AGBL4: variants seen among roughly 807,000 people sequenced by gnomAD.
The protein encoded by AGBL4 is AGBL carboxypeptidase 4, also known as cytosolic carboxypeptidase 6.
In AGBL4, 58 loss-of-function variants were observed where a neutral mutation model predicts 66.4. That is an observed-to-expected ratio of 0.87 (90% CI 0.71 to 1.09). AGBL4 has a LOEUF of 1.09. Among genes scored for constraint, AGBL4 ranks in the 50% least tolerant of loss-of-function variants. The pLI, the probability that AGBL4 is intolerant of heterozygous loss-of-function variation, is 0.00. For synonymous variants in AGBL4, 234 were observed against 222.9 expected, an observed-to-expected ratio of 1.05 and a Z score of -0.44; for missense variants, 579 against 631.0, an observed-to-expected ratio of 0.92 and a Z score of 0.88.
chr1:49,773,734 C>T (rs2147889142), intron 2 of AGBL4, among the ~76,000 whole-genome samples: 1 of 152,272 alleles, frequency 6.6e-6, no homozygotes, highest in South Asian at 2.1e-4. Flanking sequence ...TGATCATGAG[C>T]AGATCAGGCA....
intron 4 of AGBL4, among the ~76,000 whole-genome samples, chr1:49,210,494 C>T (rs1452810401): frequency 6.6e-6 from 1 of 152,046 alleles, no homozygotes; most frequent in Non-Finnish European, 1.5e-5. Flanking sequence ...ACAATATGAA[C>T]ACTGTGCAAA....
chr1:48,702,996 G>A (rs1393191727), intron 6 of AGBL4, among the ~76,000 whole-genome samples: 1 of 152,088 alleles, frequency 6.6e-6, no homozygotes, highest in Non-Finnish European at 1.5e-5. Context: ...TTTTGCAAAT[G>A]CCAGGTCTGC....
chr1:48,749,424 C>T (rs1316273618), intron 6 of AGBL4, among the ~76,000 whole-genome samples: 1 of 152,136 alleles, frequency 6.6e-6, no homozygotes, highest in South Asian at 2.1e-4. Context: ...GGTGGTCCTA[C>T]AAAATCGATC....
At chr1:48,708,214 T>A (rs1442919738) in intron 6 of AGBL4, among the ~76,000 whole-genome samples, 1 of 152,164 alleles carries the variant, frequency 6.6e-6, no homozygotes, top group African/African-American at 2.4e-5. Flanking sequence ...ACACCCAGGC[T>A]CAAAGAGTTG....
chr1:49,141,970 A>G (rs2148097001), intron 4 of AGBL4, among the ~76,000 whole-genome samples: 1 of 152,166 alleles, frequency 6.6e-6, no homozygotes, highest in Non-Finnish European at 1.5e-5. Flanking sequence ...CTGGGCTGCT[A>G]GGAACTGAGC....
At chr1:48,937,937 G>A (rs1288384085) in intron 5 of AGBL4, among the ~76,000 whole-genome samples, 1 of 152,174 alleles carries the variant, frequency 6.6e-6, no homozygotes, top group East Asian at 1.9e-4. Flanking sequence ...ACAGACCTGG[G>A]TTTTAATTGC....
intron 5 of AGBL4, among the ~76,000 whole-genome samples, chr1:48,996,821 T>C (rs936376251): frequency 7.8e-6 from 1 of 128,998 alleles, no homozygotes; most frequent in Non-Finnish European, 1.7e-5. Flanking sequence ...CTTCCTCCCT[T>C]CCTTCCTTCC....
At chr1:49,653,410 TCTC>T (rs1416509361) in intron 3 of AGBL4, among the ~76,000 whole-genome samples, 4 of 151,976 alleles carry the variant, frequency 2.6e-5, no homozygotes, top group African/African-American at 9.6e-5. Flanking sequence ...GAGTGCCTCT[TCTC>T]CTCCAAATGA....
intron 3 of AGBL4, among the ~76,000 whole-genome samples, chr1:49,441,261 G>A (rs1439507886): frequency 6.6e-6 from 1 of 152,130 alleles, no homozygotes; most frequent in Non-Finnish European, 1.5e-5. Flanking sequence ...GCATGGGAAT[G>A]GATATTAAGG....
intron 3 of AGBL4, among the ~76,000 whole-genome samples, chr1:49,660,631 A>G (rs907967890): frequency 7.2e-5 from 11 of 152,272 alleles, no homozygotes; most frequent in Non-Finnish European, 1.3e-4. Flanking sequence ...AAATTGTTCT[A>G]TTACAAAGAT....
intron 2 of AGBL4, among the ~76,000 whole-genome samples, chr1:49,732,145 A>G (rs2124716409): frequency 6.6e-6 from 1 of 152,344 alleles, no homozygotes; most frequent in South Asian, 2.1e-4. Flanking sequence ...AAGAAAGGGT[A>G]AAGGGTGCAA....
chr1:49,154,087 A>C (rs1646386431), intron 4 of AGBL4, among the ~76,000 whole-genome samples: 1 of 152,100 alleles, frequency 6.6e-6, no homozygotes, highest in South Asian at 2.1e-4. Context: ...ACAAGAAAAA[A>C]TGTCTACAAA....
chr1:50,017,153 C>G (rs974951005), intron 1 of AGBL4: 7 of 152,068 alleles, frequency 4.6e-5, no homozygotes, highest in African/African-American at 1.7e-4. Flanking sequence ...GCAACCACAT[C>G]TATAATTCTC....
chr1:49,104,670 C>G (rs961916947), intron 4 of AGBL4, among the ~76,000 whole-genome samples: 1 of 152,082 alleles, frequency 6.6e-6, no homozygotes, highest in African/African-American at 2.4e-5. Context: ...TCTGTTGCCT[C>G]TCATGCACTC....
intron 1 of AGBL4, among the ~76,000 whole-genome samples, chr1:49,919,539 A>C (rs1290952108): frequency 3.9e-5 from 6 of 152,194 alleles, no homozygotes; most frequent in Non-Finnish European, 1.5e-5. Context: ...AAGGGATGTG[A>C]AGGAACTCTT....
At chr1:50,005,936 G>C (rs1286895471) in intron 1 of AGBL4, among the ~76,000 whole-genome samples, 1 of 152,134 alleles carries the variant, frequency 6.6e-6, no homozygotes, top group Non-Finnish European at 1.5e-5. Flanking sequence ...CTTAAAGGCA[G>C]GCTATTTGAA....
At chr1:48,665,463 T>C (rs776782886) in intron 6 of AGBL4, among the ~76,000 whole-genome samples, 3 of 152,190 alleles carry the variant, frequency 2.0e-5, no homozygotes, top group Non-Finnish European at 4.4e-5. Flanking sequence ...TATCGACTCA[T>C]ATTATGTTTT....
At chr1:50,002,847 T>G (rs1660865826) in intron 1 of AGBL4, among the ~76,000 whole-genome samples, 1 of 152,186 alleles carries the variant, frequency 6.6e-6, no homozygotes, top group African/African-American at 2.4e-5. Flanking sequence ...ATGTTCCTAC[T>G]CTCTGTATGG....
At chr1:49,320,154 C>T (rs1188976180) in intron 3 of AGBL4, among the ~76,000 whole-genome samples, 1 of 152,036 alleles carries the variant, frequency 6.6e-6, no homozygotes, top group East Asian at 1.9e-4. Context: ...TGGTCTTGAA[C>T]TCCTGGGCAC....
Sources: allele counts gnomAD v4.1 joint callset (sites outside exome capture counted in the v4.1 genomes callset), GRCh38; gene constraint gnomAD v4.1.1; transcripts MANE v1.5; gene names NCBI Gene and HGNC (gene_info 2026-07-23, HGNC 2026-07-21).